Variants in NCKAP5 observed in about 807,000 individuals in gnomAD.
NCKAP5 encodes the protein NCK associated protein 5, also known as nck-associated protein 5.
In NCKAP5, 92 loss-of-function variants were observed where a neutral mutation model predicts 167.0. The observed-to-expected ratio is 0.55, with a 90% CI of 0.47 to 0.66. The LOEUF (loss-of-function observed/expected upper bound fraction) is 0.66, where lower values mean the gene tolerates loss of function less well. Among genes scored for constraint, NCKAP5 ranks in the 30% least tolerant of loss-of-function variants. The pLI, the probability that NCKAP5 is intolerant of heterozygous loss-of-function variation, is 0.00. For synonymous variants in NCKAP5, 891 were observed against 877.4 expected (o/e 1.02, Z -0.27); for missense variants, 2,378 against 2,315.0 (o/e 1.03, Z -0.56).
At chr2:132,719,654 G>A (rs979612648) in intron 19 of NCKAP5, among the ~76,000 whole-genome samples, 2 of 152,238 alleles carry the variant, frequency 1.3e-5, no homozygotes, top group Non-Finnish European at 2.9e-5. Context: ...GGAGGCAGCA[G>A]GCTGCGTGAG....
intron 19 of NCKAP5, 32 bp downstream of exon 19, chr2:132,725,595 C>A (rs1383733165): frequency 1.9e-6 from 3 of 1,588,684 alleles, no homozygotes; most frequent in Non-Finnish European, 2.6e-6. Context: ...GAGAGAGGAA[C>A]CTGCAGGGCC....
At chr2:133,640,484 A>C in the NCKAP5 span, among the ~76,000 whole-genome samples, 1 of 152,212 alleles carries the variant, frequency 6.6e-6, no homozygotes, top group Non-Finnish European at 1.5e-5. Context: ...TGACATCTGG[A>C]CTAGGGAGGT....
rs1271563852 is a variant in NCKAP5 at position 132,814,955 on chromosome 2, C to A, written c.808-18226G>T. On this transcript the variant is annotated intron_variant, in intron 11 of 19. Transcript: ENST00000409261. ...AAACAATGTGAATCTGTGAAGCAGGCACCCAGAAGGAAGGTAAAGAGAAAT... is the reference window on the plus strand; with the variant it reads ...AAACAATGTGAATCTGTGAAGCAGGAACCCAGAAGGAAGGTAAAGAGAAAT... 2.0e-5 allele frequency among the ~76,000 whole-genome samples: 3 copies of A among 152,136 alleles called. No individual in the cohort carries two copies. In the East Asian group the frequency reaches 5.8e-4, roughly 29 times the overall value.
chr2:133,358,544 C>T (rs1574791053), intron 3 of NCKAP5, among the ~76,000 whole-genome samples: 1 of 152,128 alleles, frequency 6.6e-6, no homozygotes, highest in East Asian at 1.9e-4. Context: ...CGCCCTGTGC[C>T]CCAGCCTGGA....
chr2:132,749,340 G>A (rs781695926), intron 16 of NCKAP5, among the ~76,000 whole-genome samples: 1 of 151,880 alleles, frequency 6.6e-6, no homozygotes, highest in Non-Finnish European at 1.5e-5. Context: ...AGTAGCTGGG[G>A]CTACAGGTGC....
chr2:133,444,353 AAGATAGATAGAT>A (rs3085736), intron 3 of NCKAP5, among the ~76,000 whole-genome samples: 15,879 of 147,762 alleles, frequency 0.11, 1,005 homozygotes, highest in Middle Eastern at 0.2. Context: ...GACAAAAACA[AAGATAGATAGAT>A]AGATAGATAG....
intron 6 of NCKAP5, among the ~76,000 whole-genome samples, chr2:133,030,774 T>A (rs964289143): frequency 3.3e-5 from 5 of 152,202 alleles, no homozygotes; most frequent in African/African-American, 1.2e-4. Context: ...AACAGAAATT[T>A]ATTCTCTCAC....
intron 16 of NCKAP5, among the ~76,000 whole-genome samples, chr2:132,746,827 C>T (rs1172737101): frequency 6.6e-6 from 1 of 152,036 alleles, no homozygotes; most frequent in Non-Finnish European, 1.5e-5. Flanking sequence ...ACATGGATGA[C>T]CCTCAAAAGC....
intron 6 of NCKAP5, among the ~76,000 whole-genome samples, chr2:133,028,709 T>C (rs1266183037): frequency 6.6e-6 from 1 of 152,202 alleles, no homozygotes; most frequent in African/African-American, 2.4e-5. Context: ...AGTTTAGATA[T>C]GTGTCCCTAC....
chr2:133,307,753 T>A (rs1218501996), intron 3 of NCKAP5, among the ~76,000 whole-genome samples: 1 of 152,206 alleles, frequency 6.6e-6, no homozygotes, highest in African/African-American at 2.4e-5. Flanking sequence ...TTTATGCATA[T>A]GTGTATAACC....
chr2:133,170,790 A>G (rs1257893243), intron 5 of NCKAP5, among the ~76,000 whole-genome samples: 1 of 152,132 alleles, frequency 6.6e-6, no homozygotes, highest in Non-Finnish European at 1.5e-5. Flanking sequence ...GTCCTTGTGG[A>G]TGTCCCATTT....
At chr2:133,557,602 T>C (rs565678712) in intron 2 of NCKAP5, among the ~76,000 whole-genome samples, 46 of 152,278 alleles carry the variant, frequency 3.0e-4, no homozygotes, top group South Asian at 2.3e-3. Context: ...ATACAAAACA[T>C]AGAGGGAAAA....
the NCKAP5 span, among the ~76,000 whole-genome samples, chr2:133,668,271 T>A: frequency 6.6e-6 from 1 of 152,064 alleles, no homozygotes; most frequent in Non-Finnish European, 1.5e-5. Flanking sequence ...TGGACATATA[T>A]TTATTATTCT....
At chr2:133,567,050 G>A (rs1207948582) in intron 1 of NCKAP5, among the ~76,000 whole-genome samples, 2 of 152,226 alleles carry the variant, frequency 1.3e-5, no homozygotes, top group Admixed American at 1.3e-4. Context: ...TTCTGGGCTG[G>A]TGACAGAGCA....
intron 6 of NCKAP5, among the ~76,000 whole-genome samples, chr2:133,111,688 C>A (rs191048408): frequency 6.6e-6 from 1 of 152,160 alleles, no homozygotes; most frequent in Non-Finnish European, 1.5e-5. Context: ...AGACTGGGCC[C>A]GGGTACCTTT....
At position 132,782,279 on chromosome 2, in the gene NCKAP5, C is replaced by T; in HGVS notation, c.4532G>A (p.Gly1511Asp). 6.2e-7 allele frequency: 1 copy of T among 1,614,026 alleles called. No homozygotes were observed. The highest frequency in any genetic ancestry group is 1.3e-5 in the African/African-American group (1 of 75,050). The change falls in exon 14 of 20, where the codon GGT (glycine) becomes GAT (aspartate). Residue 1511 changes from glycine (G) to aspartate (D), a missense_variant. By Grantham distance (94) the Gly-to-Asp change is moderately conservative. Coordinates refer to ENST00000409261, the MANE Select transcript of NCKAP5 (RefSeq NM_207363.3). ...KPGPSFASWF[G>D]FRKSRLPALS... ...AGCTGGAAGTCTACTCTTCCGAAAACCAAACCAGCTGGCAAAAGAAGGCCC... is the reference window on the plus strand; with the variant it reads ...AGCTGGAAGTCTACTCTTCCGAAAATCAAACCAGCTGGCAAAAGAAGGCCC...
At chr2:132,916,784 T>C (rs1244309489) in intron 8 of NCKAP5, among the ~76,000 whole-genome samples, 1 of 151,908 alleles carries the variant, frequency 6.6e-6, no homozygotes, top group Non-Finnish European at 1.5e-5. Context: ...TGGACTCAAA[T>C]GATGATTTTC....
chr2:133,090,328 G>A (rs1396118136), intron 6 of NCKAP5, among the ~76,000 whole-genome samples: 3 of 151,894 alleles, frequency 2.0e-5, no homozygotes, highest in Non-Finnish European at 4.4e-5. Context: ...TAAATCCAAC[G>A]ACAAGCATTC....
chr2:133,002,593 A>G (rs1046410054), intron 6 of NCKAP5, among the ~76,000 whole-genome samples: 2 of 152,184 alleles, frequency 1.3e-5, no homozygotes, highest in African/African-American at 4.8e-5. Flanking sequence ...CTATTCATGG[A>G]AATATATGTC....
Sources: allele counts gnomAD v4.1 joint callset (sites outside exome capture counted in the v4.1 genomes callset), GRCh38; gene constraint gnomAD v4.1.1; transcripts MANE v1.5; gene names NCBI Gene and HGNC (gene_info 2026-07-23, HGNC 2026-07-21).